The following PKHD1 variants were observed in gnomAD, a reference collection of about 807,000 sequenced individuals.
The protein encoded by PKHD1 is fibrocystin.
In PKHD1, 291 loss-of-function variants were observed where a neutral mutation model predicts 412.0. The observed-to-expected ratio is 0.71, with a 90% CI of 0.64 to 0.78. The LOEUF is 0.78. Ranked by LOEUF, PKHD1 falls within the 30% of genes least tolerant of loss-of-function variation. The pLI is 0.00. For synonymous variants in PKHD1, 1,777 were observed against 1,821.5 expected (o/e 0.98, Z 0.62); for missense variants, 4,825 against 4,950.7 (o/e 0.97, Z 0.76).
chr6:52,051,654 C>G (rs1311863899), intron 21 of PKHD1, among the ~76,000 whole-genome samples: 1 of 152,118 alleles, frequency 6.6e-6, no homozygotes, highest in Non-Finnish European at 1.5e-5. Flanking sequence ...GTTCTGAATC[C>G]TTGGCTTCAA....
At chr6:52,081,051 G>A (rs997385722) in intron 4 of PKHD1, among the ~76,000 whole-genome samples, 4 of 152,142 alleles carry the variant, frequency 2.6e-5, no homozygotes, top group African/African-American at 4.8e-5. Flanking sequence ...TTTTGTTCAT[G>A]AAAAACTGTA....
Position 51,649,220 on chromosome 6 carries a change from T to G in PKHD1, c.11175A>C (p.Gly3725=). 6.2e-7 allele frequency: 1 copy of G among 1,608,484 alleles called. No homozygotes were observed. Among genetic ancestry groups the G allele is most frequent in the Non-Finnish European group, 8.5e-7 (1 of 1,175,132 alleles). Reference sequence around the variant, plus strand: ...TCCCAGTTTTAAAACTGCTTGTATTTCTGACAGATATAAAAACAAACAAAA... The same window carrying G: ...TCCCAGTTTTAAAACTGCTTGTATTGCTGACAGATATAAAAACAAACAAAA... ...VTQSKGVIGY[G]NTSSFKTGNL... is the part of the protein sequence containing the mutation. The change falls in exon 62 of 67, where the codon GGA becomes GGC. Residue 3725 remains glycine (G), a splice_region_variant and synonymous_variant. Coordinates refer to ENST00000371117, the MANE Select transcript of PKHD1 (RefSeq NM_138694.4).
At chr6:51,957,887 T>G (rs1027908033) in intron 36 of PKHD1, among the ~76,000 whole-genome samples, 3 of 152,136 alleles carry the variant, frequency 2.0e-5, no homozygotes, top group African/African-American at 7.2e-5. Flanking sequence ...CATCACTTAT[T>G]TTAGAACCAG....
At chr6:51,688,157 C>T (rs146382231) in intron 60 of PKHD1, among the ~76,000 whole-genome samples, 8 of 152,260 alleles carry the variant, frequency 5.3e-5, no homozygotes, top group East Asian at 1.9e-4. Flanking sequence ...TTTATTAATT[C>T]GTAAGCACAA....
At chr6:51,842,971 C>T (rs1207132636) in intron 50 of PKHD1, among the ~76,000 whole-genome samples, 1 of 152,232 alleles carries the variant, frequency 6.6e-6, no homozygotes, top group Non-Finnish European at 1.5e-5. Context: ...TGAGAGGTCT[C>T]ATCTCCCTTT....
intron 52 of PKHD1, among the ~76,000 whole-genome samples, chr6:51,795,116 T>G (rs1794393339): frequency 6.6e-6 from 1 of 152,162 alleles, no homozygotes; most frequent in Admixed American, 6.5e-5. Context: ...TTGCTTTAGA[T>G]AGTATGGCCA....
intron 11 of PKHD1, among the ~76,000 whole-genome samples, chr6:52,067,847 A>C (rs1277441540): frequency 6.6e-6 from 1 of 152,178 alleles, no homozygotes; most frequent in African/African-American, 2.4e-5. Context: ...GCAAGCCATA[A>C]GAGGATGGTG....
intron 43 of PKHD1, among the ~76,000 whole-genome samples, chr6:51,899,573 A>C (rs1158634296): frequency 1.3e-5 from 2 of 151,074 alleles, no homozygotes; most frequent in Non-Finnish European, 2.9e-5. Context: ...CTGAATGGGC[A>C]AAAACTGGAA....
At position 52,029,540 on chromosome 6, in the gene PKHD1, A is replaced by C. The variant is rs956732360; in HGVS notation, c.3365-1189T>G. Reference sequence around the variant, plus strand: ...CTCAAATCAGAGCAACATTATGAATATCAGGAAAGATGGAATGGGCAAGAT... The same window carrying C: ...CTCAAATCAGAGCAACATTATGAATCTCAGGAAAGATGGAATGGGCAAGAT... On this transcript the variant is annotated intron_variant, in intron 29 of 66. Transcript: ENST00000371117. Among the ~76,000 whole-genome samples the C allele has an allele frequency of 4.0e-4, 61 of 152,358 alleles. 1 individual carries two copies. The highest frequency in any genetic ancestry group is 1.4e-3 in the African/African-American group (59 of 41,580).
chr6:51,712,520 C>T (rs914595062), intron 60 of PKHD1, among the ~76,000 whole-genome samples: 2 of 152,090 alleles, frequency 1.3e-5, no homozygotes, highest in African/African-American at 4.8e-5. Flanking sequence ...AAAGAAGAAA[C>T]TAATTTTAAT....
At chr6:51,631,842 T>C (rs946018328) in intron 65 of PKHD1, among the ~76,000 whole-genome samples, 1 of 151,720 alleles carries the variant, frequency 6.6e-6, no homozygotes, top group Non-Finnish European at 1.5e-5. Context: ...TTAATTCCTA[T>C]GCTAAAAAAC....
intron 38 of PKHD1, 63 bp from the exon 39 acceptor site, chr6:51,912,019 A>G: frequency 8.0e-7 from 1 of 1,251,918 alleles, no homozygotes; most frequent in Non-Finnish European, 1.2e-6. Context: ...AGGAATAATA[A>G]GCCACTAGAT....
chr6:51,959,612 C>G (rs758845583), intron 36 of PKHD1, among the ~76,000 whole-genome samples: 2 of 152,044 alleles, frequency 1.3e-5, no homozygotes, highest in African/African-American at 4.8e-5. Context: ...GAAGCATATT[C>G]TTTGAGAACA....
At chr6:52,000,965 CT>C (rs575914270) in intron 35 of PKHD1, among the ~76,000 whole-genome samples, 1 of 152,262 alleles carries the variant, frequency 6.6e-6, no homozygotes, top group African/African-American at 2.4e-5. Flanking sequence ...TGAATTCCCT[CT>C]TTTTTTCCAA....
At chr6:51,732,376 G>T (rs1783333940) in intron 60 of PKHD1, among the ~76,000 whole-genome samples, 1 of 152,024 alleles carries the variant, frequency 6.6e-6, no homozygotes, top group Non-Finnish European at 1.5e-5. Context: ...GGAAATATTT[G>T]CAAATCATAT....
intron 60 of PKHD1, chr6:51,682,312 T>A (rs1052018400): frequency 4.5e-6 from 2 of 440,002 alleles, no homozygotes; most frequent in Non-Finnish European, 9.1e-6. Flanking sequence ...TAATTTATCA[T>A]AATATTCACT....
intron 26 of PKHD1, 40 bp from the exon 27 acceptor site, chr6:52,043,174 C>A (rs768953527): frequency 4.0e-6 from 6 of 1,498,700 alleles, no homozygotes; most frequent in African/African-American, 1.4e-5. Flanking sequence ...ATAAAATAAT[C>A]TCTCAGTGAT....
intron 45 of PKHD1, among the ~76,000 whole-genome samples, chr6:51,883,953 GTC>G (rs1243418374): frequency 2.6e-5 from 4 of 152,120 alleles, no homozygotes; most frequent in African/African-American, 9.7e-5. Flanking sequence ...CAGCAAGAAG[GTC>G]CTCAGAAGAT....
At chr6:51,771,618 A>AC (rs1456140863) in intron 55 of PKHD1, among the ~76,000 whole-genome samples, 1 of 147,658 alleles carries the variant, frequency 6.8e-6, no homozygotes, top group Non-Finnish European at 1.5e-5. Flanking sequence ...GACTGTGTCA[A>AC]AAAAAAAAAA....
Sources: allele counts gnomAD v4.1 joint callset (sites outside exome capture counted in the v4.1 genomes callset), GRCh38; gene constraint gnomAD v4.1.1; transcripts MANE v1.5; gene names NCBI Gene and HGNC (gene_info 2026-07-23, HGNC 2026-07-21).